ASB3: variants seen among roughly 807,000 people sequenced by gnomAD.
ASB3 encodes the protein ankyrin repeat and SOCS box containing 3, also known as ankyrin repeat and SOCS box protein 3.
Under a neutral mutation model 54.5 loss-of-function variants are expected in ASB3, and 41 were observed. The ratio of observed to expected loss-of-function variants is 0.75; its 90% CI spans 0.59 to 0.98. The LOEUF (loss-of-function observed/expected upper bound fraction) is 0.98. Among genes scored for constraint, ASB3 ranks in the 50% least tolerant of loss-of-function variants. ASB3 has a pLI of 0.00. For missense variants in ASB3, 733 were observed against 620.0 expected (o/e 1.18, Z -1.94); for synonymous variants, 266 against 221.2 (o/e 1.20, Z -1.80).
rs116074887 is a variant in ASB3 at position 53,684,151 on chromosome 2, T to C, written c.1369+9733A>G. 1.9e-3 allele frequency among the ~76,000 whole-genome samples: 286 copies of C among 152,322 alleles called. 1 individual carries two copies. The highest frequency in any genetic ancestry group is 0.01 in the Middle Eastern group (3 of 294). On this transcript the variant is annotated intron_variant, in intron 9 of 9. Coordinates refer to ENST00000263634, the MANE Select transcript of ASB3 (RefSeq NM_016115.5). ...GCTGACATGTAATCAAGGAATCCACTAATTAAGGAATTAATAACTAGATTC... is the reference window on the plus strand; with the variant it reads ...GCTGACATGTAATCAAGGAATCCACCAATTAAGGAATTAATAACTAGATTC...
intron 2 of ASB3, among the ~76,000 whole-genome samples, chr2:53,764,181 T>C (rs1673306077): frequency 1.3e-5 from 2 of 152,196 alleles, no homozygotes; most frequent in Admixed American, 6.5e-5. Context: ...TACCTGGTGA[T>C]GACAAGTATG....
In ASB3 at chr2:53,700,462, C is replaced by T; in HGVS notation, c.1047G>A (p.Leu349=). The change falls in exon 8 of 10, where the codon TTG becomes TTA. Residue 349 remains leucine (L), a synonymous_variant. Coordinates refer to ENST00000263634, the MANE Select transcript of ASB3 (RefSeq NM_016115.5). ...ACTTCTCGTACTTCAGGCAGTATGC[C>T]AAATGAAGTTCATTTATCTGGGCTC... is the stretch of plus-strand genomic sequence containing the variant. ...KYGAQINELH[L]AYCLKYEKFS... The T allele has an allele frequency of 6.2e-7, 1 of 1,613,922 alleles. No homozygotes were observed. Among genetic ancestry groups the T allele is most frequent in the South Asian group, 1.1e-5 (1 of 91,064 alleles).
intron 5 of ASB3, among the ~76,000 whole-genome samples, chr2:53,723,209 A>C (rs1670803903): frequency 6.6e-6 from 1 of 152,222 alleles, no homozygotes; most frequent in African/African-American, 2.4e-5. Context: ...AAACAAACGG[A>C]AAACGCTGCT....
At chr2:53,747,439 G>A (rs1423428007) in intron 3 of ASB3, among the ~76,000 whole-genome samples, 3 of 152,088 alleles carry the variant, frequency 2.0e-5, no homozygotes, top group South Asian at 2.1e-4. Flanking sequence ...CCAGCTACTC[G>A]GGAGGCTGAG....
chr2:53,741,737 T>C (rs1406657262), intron 3 of ASB3, among the ~76,000 whole-genome samples: 1 of 152,206 alleles, frequency 6.6e-6, no homozygotes. Context: ...TTTAATATTG[T>C]AGCACAATAT....
At position 53,716,447 on chromosome 2, in the gene ASB3, A is replaced by C; in HGVS notation, c.782+119T>G. ...TTAGGGGTAGATCTGTTCACCCAGC[A>C]GATTGGTAGGGAAGAGAATATCAAA... On this transcript the variant is annotated intron_variant, in intron 6 of 9. Coordinates refer to ENST00000263634, the MANE Select transcript of ASB3 (RefSeq NM_016115.5). 10 of 1,260,780 alleles carry C rather than the reference A, an allele frequency of 7.9e-6. No individual in the cohort carries two copies. The East Asian group carries it at 1.5e-4, about 18-fold the overall frequency. The allele number at this position is 1,260,780 out of a possible 1,614,324, so 78.1% of individuals were successfully genotyped here. A position where few individuals can be genotyped will look rare whatever the true frequency, so the allele number is the denominator to read the frequency against.
chr2:53,777,860 A>G (rs1674429749), intron 1 of ASB3, among the ~76,000 whole-genome samples: 1 of 152,176 alleles, frequency 6.6e-6, no homozygotes, highest in South Asian at 2.1e-4. Flanking sequence ...AGTGTAAGCA[A>G]TCTTGGCCAG....
chr2:53,727,646 T>C (rs959857684), intron 5 of ASB3, among the ~76,000 whole-genome samples: 3 of 152,162 alleles, frequency 2.0e-5, no homozygotes, highest in Non-Finnish European at 4.4e-5. Context: ...AATCAATCAA[T>C]AAACAAGCAA....
chr2:53,757,543 T>C (rs1453485126), intron 2 of ASB3, among the ~76,000 whole-genome samples: 2 of 152,224 alleles, frequency 1.3e-5, no homozygotes, highest in South Asian at 2.1e-4. Flanking sequence ...AAAATTCTCC[T>C]TACTTCTGAA....
intron 3 of ASB3, among the ~76,000 whole-genome samples, chr2:53,733,263 T>A (rs928079896): frequency 6.6e-6 from 1 of 152,182 alleles, no homozygotes; most frequent in Non-Finnish European, 1.5e-5. Context: ...GCAAATTAAC[T>A]CTATCCAATT....
At chr2:53,774,127 T>C in intron 1 of ASB3, 18 of 1,574,034 alleles carry the variant, frequency 1.1e-5, no homozygotes, top group Non-Finnish European at 1.5e-5. Flanking sequence ...GTGTATTCTT[T>C]TCATTTTTCA....
intron 5 of ASB3, among the ~76,000 whole-genome samples, chr2:53,723,759 G>C (rs1670841251): frequency 6.6e-6 from 1 of 152,264 alleles, no homozygotes; most frequent in South Asian, 2.1e-4. Flanking sequence ...GAATAGAATA[G>C]AGAATCCAGA....
intron 5 of ASB3, among the ~76,000 whole-genome samples, chr2:53,722,818 T>C (rs868398686): frequency 9.2e-5 from 14 of 152,202 alleles, no homozygotes; most frequent in South Asian, 8.3e-4. Context: ...CTATTCAACA[T>C]AGTACTGAAA....
chr2:53,729,911 T>C (rs1344748876), intron 3 of ASB3, among the ~76,000 whole-genome samples: 1 of 152,154 alleles, frequency 6.6e-6, no homozygotes, highest in Admixed American at 6.5e-5. Flanking sequence ...ACAGTACCAG[T>C]CTGGAAAAGC....
rs545080916 is a variant in ASB3, at chr2:53,784,437, G to T, written c.-14+2384C>A. 1.6e-4 allele frequency among the ~76,000 whole-genome samples: 24 copies of T among 152,274 alleles called. No individual in the cohort carries two copies. The South Asian group carries it at 5.0e-3, about 32-fold the overall frequency. ...CCTCTATTACCTTCCTGAGGCTGCT[G>T]TAACAAATGACCACAAACTGAGCAG... On this transcript the variant is annotated intron_variant, in intron 1 of 9. Coordinates refer to ENST00000263634, the MANE Select transcript of ASB3 (RefSeq NM_016115.5).
In ASB3 at chr2:53,701,240, G is replaced by A. The variant is rs536009989; in HGVS notation, c.981-712C>T. Among the ~76,000 whole-genome samples the A allele has an allele frequency of 6.6e-5, 10 of 152,158 alleles. No individual in the cohort carries two copies. In the East Asian group the frequency reaches 1.9e-3, roughly 29 times the overall value. The stretch of plus-strand genomic sequence containing the variant: ...TCCTCCCGCTTTGGTCTCCCAAAAG[G>A]TATGCCACCGTGACTGGCCTTACAT... On this transcript the variant is annotated intron_variant, in intron 7 of 9. Transcript: ENST00000263634.
At chr2:53,754,753 T>C (rs1672722369) in intron 2 of ASB3, among the ~76,000 whole-genome samples, 1 of 152,226 alleles carries the variant, frequency 6.6e-6, no homozygotes, top group Non-Finnish European at 1.5e-5. Context: ...GTCTGAATTT[T>C]TGTAAAATAC....
intron 5 of ASB3, among the ~76,000 whole-genome samples, chr2:53,726,403 G>A (rs1027722050): frequency 6.6e-6 from 1 of 151,296 alleles, no homozygotes; most frequent in African/African-American, 2.4e-5. Flanking sequence ...TGGGACTACA[G>A]GCGCACACCA....
chr2:53,737,941 G>T (rs539519088), intron 3 of ASB3, among the ~76,000 whole-genome samples: 2 of 152,146 alleles, frequency 1.3e-5, no homozygotes, highest in African/African-American at 4.8e-5. Context: ...AAAACCTAAA[G>T]AAACAGGGAG....
Sources: allele counts gnomAD v4.1 joint callset (sites outside exome capture counted in the v4.1 genomes callset), GRCh38; gene constraint gnomAD v4.1.1; transcripts MANE v1.5; gene names NCBI Gene and HGNC (gene_info 2026-07-23, HGNC 2026-07-21).